Variants in FHIT observed in about 807,000 individuals in gnomAD.
The protein encoded by FHIT is fragile histidine triad diadenosine triphosphatase.
A neutral mutation model predicts 17.9 loss-of-function variants in FHIT; 19 were observed. That is an observed-to-expected ratio of 1.06 (90% confidence interval 0.74 to 1.56). FHIT has a LOEUF of 1.56. Ranked by LOEUF, FHIT falls within the 40% of genes most tolerant of loss-of-function variation. The pLI is 0.00. For missense variants in FHIT, 248 were observed against 189.2 expected (o/e 1.31, Z -1.82); for synonymous variants, 81 against 69.7 (o/e 1.16, Z -0.81).
At chr3:60,226,779 T>C (rs1451890005) in intron 5 of FHIT, among the ~76,000 whole-genome samples, 1 of 152,148 alleles carries the variant, frequency 6.6e-6, no homozygotes, top group African/African-American at 2.4e-5. Context: ...CCCTATGGCC[T>C]TGAGAAGTGC....
chr3:59,907,121 G>C (rs1483058108), intron 8 of FHIT, among the ~76,000 whole-genome samples: 1 of 152,200 alleles, frequency 6.6e-6, no homozygotes, highest in African/African-American at 2.4e-5. Flanking sequence ...ACTGCCCATA[G>C]TCTCATTAGC....
chr3:59,760,173 G>A (rs969583902), intron 8 of FHIT, among the ~76,000 whole-genome samples: 15 of 152,144 alleles, frequency 9.9e-5, no homozygotes, highest in Non-Finnish European at 1.3e-4. Flanking sequence ...TATTTTTAGT[G>A]CTGCCTGTGG....
chr3:61,024,066 G>T (rs921564193), intron 3 of FHIT, among the ~76,000 whole-genome samples: 2 of 152,020 alleles, frequency 1.3e-5, no homozygotes, highest in Admixed American at 1.3e-4. Context: ...TCAAATTGGA[G>T]AAATAACATA....
intron 4 of FHIT, among the ~76,000 whole-genome samples, chr3:60,813,560 A>G (rs1475999604): frequency 1.3e-5 from 2 of 152,162 alleles, no homozygotes; most frequent in South Asian, 2.1e-4. Flanking sequence ...CACGTGTTGT[A>G]AAACATTACA....
chr3:61,186,216 A>T (rs1050543343), intron 2 of FHIT, among the ~76,000 whole-genome samples: 3 of 152,224 alleles, frequency 2.0e-5, no homozygotes, highest in African/African-American at 7.2e-5. Flanking sequence ...AAGTTGAAGA[A>T]CTTGAAAAGC....
chr3:61,200,821 G>A (rs17064630), intron 1 of FHIT, among the ~76,000 whole-genome samples, 156 bp from the exon 2 acceptor site: 65,796 of 151,872 alleles, frequency 0.43, 14,634 homozygotes, highest in East Asian at 0.58. Context: ...TCCCGCACAA[G>A]AGGCCAAAAA....
chr3:59,813,391 G>A (rs552450104), intron 8 of FHIT, among the ~76,000 whole-genome samples: 23 of 152,210 alleles, frequency 1.5e-4, no homozygotes, highest in South Asian at 1.5e-3. Context: ...ACGTACCCTC[G>A]CATTCTTTCC....
Position 60,389,852 on chromosome 3 carries a change from T to C in FHIT, c.103+147008A>G, listed in dbSNP as rs2205039. On this transcript the variant is annotated intron_variant, in intron 5 of 9. Transcript: ENST00000492590. ...ATCTCCTTGTATCTTTCCTGCATCA[T>C]ATATAAACCACTGTCCACCTCCACA... Among the ~76,000 whole-genome samples, 126 of 152,284 alleles carry C rather than the reference T, an allele frequency of 8.3e-4. 1 individual carries two copies. Among genetic ancestry groups the C allele is most frequent in the African/African-American group, 3.0e-3 (123 of 41,562 alleles).
At chr3:59,963,662 AG>A (rs1200900662) in intron 7 of FHIT, among the ~76,000 whole-genome samples, 2 of 152,268 alleles carry the variant, frequency 1.3e-5, no homozygotes, top group African/African-American at 4.8e-5. Context: ...ACTAAGTTTC[AG>A]AAAAATAGAG....
intron 5 of FHIT, among the ~76,000 whole-genome samples, chr3:60,091,585 A>T (rs113029396): frequency 1.7e-4 from 26 of 152,230 alleles, no homozygotes; most frequent in African/African-American, 3.6e-4. Context: ...CCCTGCCCAA[A>T]TTTCACGTGG....
At chr3:59,951,252 G>C (rs1488845909) in intron 7 of FHIT, among the ~76,000 whole-genome samples, 2 of 151,986 alleles carry the variant, frequency 1.3e-5, no homozygotes, top group Non-Finnish European at 2.9e-5. Flanking sequence ...AACCCACCTG[G>C]GTTCTGTGCA....
chr3:61,104,868 C>T (rs1266294196), intron 2 of FHIT, among the ~76,000 whole-genome samples: 1 of 152,052 alleles, frequency 6.6e-6, no homozygotes, highest in East Asian at 1.9e-4. Flanking sequence ...ACTATTAATA[C>T]TTGTGATTGC....
chr3:60,317,958 T>C (rs1709242124), intron 5 of FHIT, among the ~76,000 whole-genome samples: 1 of 151,936 alleles, frequency 6.6e-6, no homozygotes, highest in Non-Finnish European at 1.5e-5. Context: ...ACCCAGACAA[T>C]TTTTATATTT....
intron 4 of FHIT, among the ~76,000 whole-genome samples, chr3:60,742,806 A>G (rs1180917793): frequency 2.0e-5 from 3 of 152,226 alleles, no homozygotes; most frequent in Non-Finnish European, 4.4e-5. Context: ...GCGCTTAAGG[A>G]TATCAAATGA....
At chr3:59,828,616 A>G (rs2629882) in intron 8 of FHIT, among the ~76,000 whole-genome samples, 149,879 of 152,290 alleles carry the variant, frequency 0.98, 73,805 homozygotes, top group East Asian at 1. Context: ...GCACTTGCCT[A>G]ACTTCTTGGA....
At chr3:60,346,780 A>C (rs1265676409) in intron 5 of FHIT, among the ~76,000 whole-genome samples, 1 of 152,198 alleles carries the variant, frequency 6.6e-6, no homozygotes. Flanking sequence ...ACATCCTTTT[A>C]TTAAGGCAGA....
At chr3:60,552,224 CCATT>C (rs374412285) in intron 4 of FHIT, among the ~76,000 whole-genome samples, 56 of 152,256 alleles carry the variant, frequency 3.7e-4, no homozygotes, top group African/African-American at 1.2e-3. Flanking sequence ...ATGTTTTTCT[CCATT>C]CATCAGTTGA....
chr3:59,891,131 C>G (rs981524862), intron 8 of FHIT, among the ~76,000 whole-genome samples: 6 of 152,342 alleles, frequency 3.9e-5, no homozygotes, highest in African/African-American at 1.4e-4. Context: ...GACTTACACA[C>G]TTTCCTAAGA....
At position 60,496,743 on chromosome 3, in the gene FHIT, T is replaced by C. The variant is rs763092758; in HGVS notation, c.103+40117A>G. On this transcript the variant is annotated intron_variant, in intron 5 of 9. Coordinates refer to ENST00000492590, the MANE Select transcript of FHIT (RefSeq NM_002012.4). ...ATTAGAAACAACCTTTAAAAAGGAATAGGAAATTAATTTGTCTTCCACTCA... is the reference window on the plus strand; with the variant it reads ...ATTAGAAACAACCTTTAAAAAGGAACAGGAAATTAATTTGTCTTCCACTCA... 2.6e-5 allele frequency among the ~76,000 whole-genome samples: 4 copies of C among 152,062 alleles called. 1 individual carries two copies. The South Asian group carries it at 8.3e-4, about 32-fold the overall frequency.
Sources: gnomAD v4.1 joint callset for allele counts (sites outside exome capture counted in the v4.1 genomes callset) on GRCh38, gnomAD v4.1.1 for gene constraint, MANE v1.5 for transcripts, NCBI Gene and HGNC (gene_info 2026-07-23, HGNC 2026-07-21) for gene names.